The following CCDC196 variants were observed in gnomAD, a reference collection of about 807,000 sequenced individuals.
The protein encoded by CCDC196 is coiled-coil domain-containing protein 196.
At chr14:66,487,121 T>C (rs1200675335) in intron 2 of CCDC196, among the ~76,000 whole-genome samples, 1 of 152,142 alleles carries the variant, frequency 6.6e-6, no homozygotes, top group Non-Finnish European at 1.5e-5. Context: ...ACACAGATGC[T>C]TTCTTATGCA....
Position 66,493,432 on chromosome 14 carries a change from A to G in CCDC196, c.715+1238A>G, listed in dbSNP as rs563208005. On this transcript the variant is annotated intron_variant, in intron 8 of 9. Transcript: ENST00000636229. ...AGAAACATAGTTTTTCCTGGTGTTGAAATCTGAGAGAAATTTCTCCTCCAG... is the reference window on the plus strand; with the variant it reads ...AGAAACATAGTTTTTCCTGGTGTTGGAATCTGAGAGAAATTTCTCCTCCAG... Among the ~76,000 whole-genome samples the G allele has an allele frequency of 1.6e-4, 25 of 152,314 alleles. 1 individual carries two copies. In the South Asian group the frequency reaches 5.2e-3, roughly 32 times the overall value.
At position 66,498,348 on chromosome 14, in the gene CCDC196, T is replaced by C. The variant is rs1357845576; in HGVS notation, c.775-5T>C. On this transcript the variant is annotated splice_region_variant and splice_polypyrimidine_tract_variant and intron_variant, in intron 9 of 9. Transcript: ENST00000636229. ...GTCCTTTTTCCTCTGTTTTTTCCTG[T>C]CTAGAGAATTCTGGGAACAAAGATC... 1 of 411,544 alleles carries C rather than the reference T, an allele frequency of 2.4e-6. No individual in the cohort carries two copies. Among genetic ancestry groups the C allele is most frequent in the Non-Finnish European group, 4.4e-6 (1 of 225,376 alleles). 25.5% of individuals were successfully genotyped at this position (411,544 alleles called of 1,614,324 possible). A position where few individuals can be genotyped will look rare whatever the true frequency, so the allele number is the denominator to read the frequency against.
chr14:66,492,296 G>A, intron 8 of CCDC196, 102 bp downstream of exon 8: 1 of 400,532 alleles, frequency 2.5e-6, no homozygotes, highest in Non-Finnish European at 4.5e-6. Context: ...CTGGCACACA[G>A]TAAGTTAAAT....
intron 2 of CCDC196, 33 bp downstream of exon 2, chr14:66,486,842 A>C (rs2057412958): frequency 2.4e-6 from 1 of 412,520 alleles, no homozygotes; most frequent in Admixed American, 4.4e-5. Flanking sequence ...CCTAGAGGTA[A>C]AAAGGCTGGA....
chr14:66,489,398 A>G (rs914494569), intron 4 of CCDC196, among the ~76,000 whole-genome samples: 6 of 151,998 alleles, frequency 3.9e-5, no homozygotes, highest in African/African-American at 1.5e-4. Context: ...TGCCTTCTCC[A>G]CTGCCTGTAA....
chr14:66,496,674 C>T (rs1375577653), intron 8 of CCDC196: 1 of 180,862 alleles, frequency 5.5e-6, no homozygotes, highest in Non-Finnish European at 1.2e-5. Flanking sequence ...AGCACAGGTG[C>T]TAAGCAATCT....
chr14:66,496,210 C>T (rs906710605), intron 8 of CCDC196: 5 of 454,536 alleles, frequency 1.1e-5, no homozygotes, highest in Admixed American at 9.4e-5. Context: ...CTCAGTAAAT[C>T]AGGGTACAGG....
In CCDC196 at chr14:66,498,466, G is replaced by A. The variant is rs906062013; in HGVS notation, c.888G>A (p.Lys296=). ...GGTCATTGCCAGATGAAGCACTGAA[G>A]AATTAGCAGGCTTTCGCTCCATTTG... The part of the protein sequence containing the change: ...FLRSLPDEAL[K]N The change falls in exon 10 of 10, where the codon AAG becomes AAA. Residue 296 remains lysine (K), a synonymous_variant. Transcript: ENST00000636229. 1 of 413,358 alleles carries A rather than the reference G, an allele frequency of 2.4e-6. No homozygotes were observed. Among genetic ancestry groups the A allele is most frequent in the African/African-American group, 2.1e-5 (1 of 48,622 alleles). The allele number at this position is 413,358 out of a possible 1,614,324, so 25.6% of individuals were successfully genotyped here.
rs2057555455 is a variant in CCDC196, at chr14:66,492,136, G to T, written c.657G>T (p.Leu219=). 1 of 413,630 alleles carries T rather than the reference G, an allele frequency of 2.4e-6. No individual in the cohort carries two copies. Among genetic ancestry groups the T allele is most frequent in the Non-Finnish European group, 4.4e-6 (1 of 226,214 alleles). 25.6% of individuals were successfully genotyped at this position (413,630 alleles called of 1,614,324 possible). ...YQKANDLKLS[L]YLQQNFEPMQ... Reference sequence around the variant, plus strand: ...AGGCCAATGACCTGAAATTATCACTGTATTTGCAGCAGAATTTTGAGCCAA... The same window carrying T: ...AGGCCAATGACCTGAAATTATCACTTTATTTGCAGCAGAATTTTGAGCCAA... Residue 219 remains leucine (L), a synonymous_variant, in exon 8 of 10, where the codon CTG becomes CTT. Coordinates refer to ENST00000636229, the MANE Select transcript of CCDC196 (RefSeq NM_001351576.1).
Position 66,486,773 on chromosome 14 carries a change from A to C in CCDC196, c.167A>C (p.Gln56Pro), listed in dbSNP as rs1483932951. 2.4e-6 allele frequency: 1 copy of C among 413,270 alleles called. No homozygotes were observed. The highest frequency in any genetic ancestry group is 4.4e-6 in the Non-Finnish European group (1 of 226,092). 25.6% of individuals were successfully genotyped at this position (413,270 alleles called of 1,614,324 possible). The change falls in exon 2 of 10, where the codon CAA becomes CCA. Residue 56 changes from glutamine to proline, a missense_variant. By Grantham distance (76) the Gln-to-Pro change is moderately conservative. Transcript: ENST00000636229. ...PLEDKNNLLFQKLMSNLEEKQ... is the reference protein window; with the variant it reads ...PLEDKNNLLFPKLMSNLEEKQ... ...GAAGATAAAAACAACCTCTTATTTC[A>C]AAAGTTAATGTCTAACTTGGAGGAA...
intron 8 of CCDC196, chr14:66,493,945 T>A (rs954616121): frequency 6.6e-6 from 1 of 152,160 alleles, no homozygotes; most frequent in Admixed American, 6.5e-5. Flanking sequence ...ATCTATATGG[T>A]AAAGAGCCAA....
intron 8 of CCDC196, chr14:66,496,342 G>T (rs1471603758): frequency 2.2e-6 from 1 of 456,206 alleles, no homozygotes; most frequent in Admixed American, 2.3e-5. Flanking sequence ...GATCTGTGTA[G>T]CTGGCAAAAT....
At chr14:66,494,122 T>C (rs1426555009) in intron 8 of CCDC196, among the ~76,000 whole-genome samples, 1 of 152,230 alleles carries the variant, frequency 6.6e-6, no homozygotes, top group Non-Finnish European at 1.5e-5. Flanking sequence ...TTTCCTTTTA[T>C]GTTCCTGGAG....
chr14:66,497,213 T>C (rs2057687406), intron 8 of CCDC196, among the ~76,000 whole-genome samples: 1 of 152,194 alleles, frequency 6.6e-6, no homozygotes. Context: ...ATGTCAAAGT[T>C]AGGTTTATGG....
At chr14:66,497,103 C>A (rs1052994531) in intron 8 of CCDC196, among the ~76,000 whole-genome samples, 1 of 152,098 alleles carries the variant, frequency 6.6e-6, no homozygotes, top group South Asian at 2.1e-4. Flanking sequence ...AGGGCAGGGG[C>A]GGAAAACCAC....
At chr14:66,487,857 A>G (rs2139576450) in intron 2 of CCDC196, among the ~76,000 whole-genome samples, 1 of 152,270 alleles carries the variant, frequency 6.6e-6, no homozygotes, top group Non-Finnish European at 1.5e-5. Flanking sequence ...TCTTCTCCCA[A>G]AAGTCACACA....
chr14:66,489,152 C>A, intron 4 of CCDC196, 115 bp downstream of exon 4: 1 of 409,468 alleles, frequency 2.4e-6, no homozygotes, highest in South Asian at 1.4e-4. Flanking sequence ...ACCCATGCCT[C>A]ATTCCAATCC....
At chr14:66,491,292 A>T (rs1484881430) in intron 6 of CCDC196, among the ~76,000 whole-genome samples, 188 bp downstream of exon 6, 1 of 152,228 alleles carries the variant, frequency 6.6e-6, no homozygotes, top group Non-Finnish European at 1.5e-5. Context: ...CATATTACGA[A>T]AAAGTGAGAG....
At chr14:66,491,926 T>C in intron 7 of CCDC196, 127 bp from the exon 8 acceptor site, 1 of 406,106 alleles carries the variant, frequency 2.5e-6, no homozygotes, top group East Asian at 3.6e-5. Context: ...AAATACTTTC[T>C]ACCCAACTTT....
Sources: gnomAD v4.1 joint callset for allele counts (sites outside exome capture counted in the v4.1 genomes callset) on GRCh38, gnomAD v4.1.1 for gene constraint, MANE v1.5 for transcripts, NCBI Gene and HGNC (gene_info 2026-07-23, HGNC 2026-07-21) for gene names.